The following TMEM131 variants were observed in gnomAD, a reference collection of about 807,000 sequenced individuals.
TMEM131 encodes 2610524E03Rik.
In TMEM131, 66 loss-of-function variants were observed where a neutral mutation model predicts 211.6. That is an observed-to-expected ratio of 0.31 (90% CI 0.26 to 0.38). TMEM131 has a LOEUF of 0.38. TMEM131 is among the 10% of genes least tolerant of loss of function. The pLI, the probability that TMEM131 is intolerant of heterozygous loss-of-function variation, is 1.00. For synonymous variants in TMEM131, 844 were observed against 841.3 expected, an observed-to-expected ratio of 1.00 and a Z score of -0.06; for missense variants, 2,036 against 2,299.3, an observed-to-expected ratio of 0.89 and a Z score of 2.34.
At chr2:97,846,064 A>T (rs942500683) in intron 5 of TMEM131, among the ~76,000 whole-genome samples, 2 of 152,216 alleles carry the variant, frequency 1.3e-5, no homozygotes, top group African/African-American at 4.8e-5. Flanking sequence ...TTAAAATTTA[A>T]TTTGTGGTTT....
At chr2:97,880,371 T>C (rs1313354822) in intron 4 of TMEM131, among the ~76,000 whole-genome samples, 1 of 152,178 alleles carries the variant, frequency 6.6e-6, no homozygotes, top group Non-Finnish European at 1.5e-5. Flanking sequence ...CAGATTTTGA[T>C]GTGAAAAACA....
chr2:97,846,242 A>C (rs1455886358), intron 5 of TMEM131, among the ~76,000 whole-genome samples: 4 of 152,202 alleles, frequency 2.6e-5, no homozygotes, highest in Admixed American at 6.5e-5. Context: ...CCACATAAAG[A>C]CTTGAAAAGT....
chr2:97,990,712 A>C (rs1232097407), intron 1 of TMEM131, among the ~76,000 whole-genome samples: 1 of 152,240 alleles, frequency 6.6e-6, no homozygotes, highest in East Asian at 1.9e-4. Context: ...ACTATAGCAG[A>C]CTTCCTCATG....
chr2:97,766,703 G>A (rs1339236340), intron 33 of TMEM131, 101 bp from the exon 34 acceptor site: 1 of 1,444,236 alleles, frequency 6.9e-7, no homozygotes, highest in Non-Finnish European at 9.5e-7. Flanking sequence ...CTGCATGCAG[G>A]AAGCTAATGT....
chr2:97,837,056 G>A, intron 8 of TMEM131, 21 bp downstream of exon 8: 2 of 1,607,712 alleles, frequency 1.2e-6, no homozygotes, highest in Non-Finnish European at 1.7e-6. Context: ...ACACACAAGA[G>A]AAAACTAGGT....
chr2:97,777,045 G>A lies in TMEM131; in HGVS notation c.4145-1027C>T, dbSNP rs145797740. Among the ~76,000 whole-genome samples, 487 of 152,254 alleles carry A rather than the reference G, an allele frequency of 3.2e-3. 2 individuals are homozygous for A. Among genetic ancestry groups the A allele is most frequent in the Admixed American group, 5.0e-3 (76 of 15,296 alleles). ...ATCAAGACAAATGAGAACCAGCCCC[G>A]AACATATTTCCCAGCAGTGTTCTGT... On this transcript the variant is annotated intron_variant, in intron 31 of 40. Transcript: ENST00000186436.
intron 31 of TMEM131, among the ~76,000 whole-genome samples, chr2:97,784,281 T>G (rs1680148622): frequency 6.6e-6 from 1 of 152,094 alleles, no homozygotes; most frequent in African/African-American, 2.4e-5. Context: ...TCTTTTCAAG[T>G]GCCCATGGGT....
intron 2 of TMEM131, among the ~76,000 whole-genome samples, chr2:97,910,648 G>A (rs901491718): frequency 5.3e-5 from 8 of 152,256 alleles, no homozygotes; most frequent in Middle Eastern, 6.8e-3. Context: ...ACTTTTTAAT[G>A]ATTGCCATTC....
intron 1 of TMEM131, 28 bp downstream of exon 1, chr2:97,995,448 C>A: frequency 7.4e-7 from 1 of 1,350,630 alleles, no homozygotes; most frequent in South Asian, 1.8e-5. Context: ...ACAGCCCCGC[C>A]GCAGGGACGC....
intron 1 of TMEM131, among the ~76,000 whole-genome samples, chr2:97,955,135 T>C (rs1319774899): frequency 1.3e-5 from 2 of 151,960 alleles, no homozygotes; most frequent in Admixed American, 1.3e-4. Flanking sequence ...CTACACACCA[T>C]AAGCAGAATT....
At chr2:97,857,773 A>G (rs994717804) in intron 5 of TMEM131, among the ~76,000 whole-genome samples, 1 of 152,118 alleles carries the variant, frequency 6.6e-6, no homozygotes, top group Non-Finnish European at 1.5e-5. Flanking sequence ...GGCACCTGTC[A>G]CTCACTGCAT....
intron 4 of TMEM131, among the ~76,000 whole-genome samples, chr2:97,867,710 C>G (rs774754597): frequency 6.6e-6 from 1 of 152,124 alleles, no homozygotes; most frequent in African/African-American, 2.4e-5. Flanking sequence ...CTGAAATGTG[C>G]CTGAAATAGA....
intron 5 of TMEM131, among the ~76,000 whole-genome samples, chr2:97,852,332 A>G (rs2105146397): frequency 6.6e-6 from 1 of 151,942 alleles, no homozygotes; most frequent in East Asian, 1.9e-4. Context: ...CAATTTTTGT[A>G]TTTTTAGTAG....
chr2:97,884,440 A>G, intron 4 of TMEM131, among the ~76,000 whole-genome samples: 1 of 152,284 alleles, frequency 6.6e-6, no homozygotes, highest in East Asian at 1.9e-4. Context: ...AGGTCCATTT[A>G]GTTGATGGTG....
chr2:97,915,023 A>C (rs1573550840), intron 2 of TMEM131, among the ~76,000 whole-genome samples: 1 of 152,238 alleles, frequency 6.6e-6, no homozygotes, highest in Admixed American at 6.5e-5. Context: ...CAGTTTCTCC[A>C]CATCCTTGCC....
intron 1 of TMEM131, among the ~76,000 whole-genome samples, chr2:97,952,724 T>C (rs1185022579): frequency 6.6e-6 from 1 of 151,758 alleles, no homozygotes; most frequent in Non-Finnish European, 1.5e-5. Context: ...AAAAAAATTT[T>C]AAAAATTAGC....
At chr2:97,775,816 G>C in intron 32 of TMEM131, 27 bp downstream of exon 32, 1 of 1,597,478 alleles carries the variant, frequency 6.3e-7, no homozygotes, top group Non-Finnish European at 8.5e-7. Flanking sequence ...TCTCCCTCGT[G>C]TTTTGTTGTG....
intron 8 of TMEM131, among the ~76,000 whole-genome samples, chr2:97,836,395 G>A (rs1211869392): frequency 1.3e-5 from 2 of 152,168 alleles, no homozygotes; most frequent in African/African-American, 4.8e-5. Flanking sequence ...GATGAGCAGT[G>A]ATCTGAGTGA....
In TMEM131 at chr2:97,762,091, G is replaced by A. The variant is rs1678883707; in HGVS notation, c.4833C>T (p.Pro1611=). Residue 1611 remains proline (P), a synonymous_variant, in exon 36 of 41, where the codon CCC becomes CCT. Coordinates refer to ENST00000186436, the MANE Select transcript of TMEM131 (RefSeq NM_015348.2). ...AGCTGCCCCGGGCCACAAAGGGGCA[G>A]GGGGCAGCTGGGGGAGACGGGGAAG... The part of the protein sequence containing the change: ...TPASPSPPAA[P]CPFVARGSYS... 2 of 1,610,582 alleles carry A rather than the reference G, an allele frequency of 1.2e-6. No homozygotes were observed. The highest frequency in any genetic ancestry group is 1.7e-6 in the Non-Finnish European group (2 of 1,178,440).
Sources: gnomAD v4.1 joint callset for allele counts (sites outside exome capture counted in the v4.1 genomes callset) on GRCh38, gnomAD v4.1.1 for gene constraint, MANE v1.5 for transcripts, NCBI Gene and HGNC (gene_info 2026-07-23, HGNC 2026-07-21) for gene names.